BACH2: variants seen among roughly 807,000 people sequenced by gnomAD.
The protein encoded by BACH2 is BACH transcriptional regulator 2, also known as transcription regulator protein BACH2.
A neutral mutation model predicts 61.8 loss-of-function variants in BACH2; 5 were observed. That is an observed-to-expected ratio of 0.08 (90% CI 0.04 to 0.17). BACH2 has a LOEUF of 0.17. Among genes scored for constraint, BACH2 ranks in the 10% least tolerant of loss-of-function variants. The pLI is 1.00. For missense variants in BACH2, 824 were observed against 1,091.1 expected (o/e 0.76, Z 3.45); for synonymous variants, 446 against 440.1 (o/e 1.01, Z -0.17).
intron 6 of BACH2, chr6:90,001,465 T>A (rs1449619389): frequency 1.3e-5 from 2 of 152,218 alleles, no homozygotes; most frequent in Admixed American, 1.3e-4. Flanking sequence ...AACCTGGCGA[T>A]GTTGGGGTGA....
At chr6:89,989,623 A>C (rs748224509) in intron 6 of BACH2, among the ~76,000 whole-genome samples, 2 of 152,146 alleles carry the variant, frequency 1.3e-5, no homozygotes, top group South Asian at 2.1e-4. Flanking sequence ...AGGTGGGCTC[A>C]AGGCTCATCA....
Position 89,951,087 on chromosome 6 carries a change from CAGG to C in BACH2, c.1016_1018del (p.Ser339del). 1.2e-6 allele frequency: 2 copies of C among 1,612,470 alleles called. No homozygotes were observed. Among genetic ancestry groups the C allele is most frequent in the Non-Finnish European group, 1.7e-6 (2 of 1,179,248 alleles). ...CGTTATGCTGAACAGAGACCTTAAG[CAGG>C]AGGGCGAGGCCACGCTCCTGGATCT... On this transcript the variant is annotated inframe_deletion, in exon 7 of 9. Transcript: ENST00000257749. This position sits in a 1 kb window ranked among gnomAD's most constrained non-coding sequence, Gnocchi z 6.4.
At chr6:89,946,590 A>G (rs184109371) in intron 7 of BACH2, among the ~76,000 whole-genome samples, 1,727 of 152,306 alleles carry the variant, frequency 0.011, 23 homozygotes, top group Middle Eastern at 0.048. Flanking sequence ...ATGAACTACG[A>G]TTTACGAGAA....
At chr6:90,289,493 T>A (rs1272885337) in intron 1 of BACH2, among the ~76,000 whole-genome samples, 1 of 152,240 alleles carries the variant, frequency 6.6e-6, no homozygotes, top group African/African-American at 2.4e-5. Context: ...TTTAAATAGA[T>A]GCTGTCAAAA....
intron 4 of BACH2, among the ~76,000 whole-genome samples, chr6:90,154,306 A>T (rs1276408600): frequency 1.3e-5 from 2 of 152,208 alleles, no homozygotes; most frequent in African/African-American, 4.8e-5. Context: ...TCAGATCAGG[A>T]CAAAGGGTAA....
chr6:90,240,948 G>A (rs1770430415), intron 3 of BACH2, among the ~76,000 whole-genome samples: 4 of 151,764 alleles, frequency 2.6e-5, no homozygotes. Flanking sequence ...TCAATATGAG[G>A]CTAGAAATTA....
intron 5 of BACH2, among the ~76,000 whole-genome samples, chr6:90,038,850 G>A (rs1779390324): frequency 1.3e-5 from 2 of 151,700 alleles, no homozygotes; most frequent in South Asian, 2.1e-4. Context: ...CAGCCTGGCC[G>A]ACATGGTGAA....
chr6:90,096,045 T>C (rs1782369375), intron 4 of BACH2, among the ~76,000 whole-genome samples: 1 of 152,172 alleles, frequency 6.6e-6, no homozygotes, highest in Non-Finnish European at 1.5e-5. Context: ...TACATCCTTC[T>C]TCTGCGAAGG....
chr6:89,963,950 T>C (rs878954882), intron 6 of BACH2, among the ~76,000 whole-genome samples: 4 of 152,128 alleles, frequency 2.6e-5, no homozygotes, highest in African/African-American at 9.7e-5. Context: ...ATTAAACTAA[T>C]CATAAAAAGA....
rs1772398202 is a variant in BACH2 at position 89,927,185 on chromosome 6, G to T, written c.*5223C>A. 6.5e-6 allele frequency: 1 copy of T among 152,788 alleles called. No homozygotes were observed. Among genetic ancestry groups the T allele is most frequent in the Admixed American group, 6.5e-5 (1 of 15,288 alleles). The allele number at this position is 152,788 out of a possible 1,614,324, so 9.5% of individuals were successfully genotyped here. A position where few individuals can be genotyped will look rare whatever the true frequency, so the allele number is the denominator to read the frequency against. Reference sequence around the variant, plus strand: ...TGGTGCTTGCCTTGAATGGCTCACTGTGTCTAACAAGCACCTGAAGCTCCC... The same window carrying T: ...TGGTGCTTGCCTTGAATGGCTCACTTTGTCTAACAAGCACCTGAAGCTCCC... On this transcript the variant is annotated 3_prime_UTR_variant, in exon 9 of 9. Coordinates refer to ENST00000257749, the MANE Select transcript of BACH2 (RefSeq NM_021813.4).
At chr6:89,996,009 A>G (rs1026644834) in intron 6 of BACH2, among the ~76,000 whole-genome samples, 7 of 152,190 alleles carry the variant, frequency 4.6e-5, no homozygotes, top group African/African-American at 9.6e-5. Flanking sequence ...TTGGAGCTCA[A>G]TCTCAGCCCC....
chr6:90,296,205 C>G (rs1772374637), intron 1 of BACH2, among the ~76,000 whole-genome samples: 1 of 151,988 alleles, frequency 6.6e-6, no homozygotes, highest in Admixed American at 6.6e-5. Context: ...CAGCAAAATA[C>G]AATGCGCCTC....
intron 6 of BACH2, among the ~76,000 whole-genome samples, chr6:89,978,494 A>C (rs1388259678): frequency 1.3e-5 from 2 of 152,176 alleles, no homozygotes; most frequent in African/African-American, 4.8e-5. Context: ...TCATAATTAC[A>C]GTGGTGAAAC....
intron 4 of BACH2, among the ~76,000 whole-genome samples, chr6:90,189,491 C>T (rs1391195376): frequency 4.0e-5 from 6 of 151,898 alleles, no homozygotes. Context: ...GCCCGTAGTC[C>T]CAGCTACTCG....
chr6:89,955,510 G>C (rs141195040), intron 6 of BACH2, among the ~76,000 whole-genome samples: 361 of 152,244 alleles, frequency 2.4e-3, no homozygotes, highest in African/African-American at 8.0e-3. Context: ...CTAGGTCAAG[G>C]GTTGCTTTGA....
At chr6:89,970,347 G>A (rs977871861) in intron 6 of BACH2, among the ~76,000 whole-genome samples, 1 of 152,198 alleles carries the variant, frequency 6.6e-6, no homozygotes, top group Non-Finnish European at 1.5e-5. Context: ...TTGGCGGGCA[G>A]AGCATACAGT....
intron 1 of BACH2, among the ~76,000 whole-genome samples, chr6:90,276,153 G>A (rs182660335): frequency 1.3e-5 from 2 of 152,102 alleles, no homozygotes; most frequent in East Asian, 1.9e-4. Context: ...TGTGTAAAAC[G>A]TTTCATCTAT....
intron 2 of BACH2, among the ~76,000 whole-genome samples, chr6:90,256,253 A>G (rs1770974909): frequency 6.6e-6 from 1 of 152,196 alleles, no homozygotes; most frequent in Non-Finnish European, 1.5e-5. Flanking sequence ...CACGTTTTCC[A>G]GCCTCCTTTG....
At chr6:90,123,864 C>T (rs1301241717) in intron 4 of BACH2, among the ~76,000 whole-genome samples, 1 of 151,646 alleles carries the variant, frequency 6.6e-6, no homozygotes, top group East Asian at 1.9e-4. Context: ...ACCAAAATCG[C>T]CTCCTGATGC....
Sources: allele counts gnomAD v4.1 joint callset (sites outside exome capture counted in the v4.1 genomes callset), GRCh38; gene constraint gnomAD v4.1.1; non-coding constraint Gnocchi (gnomAD v3.1); transcripts MANE v1.5; gene names NCBI Gene and HGNC (gene_info 2026-07-23, HGNC 2026-07-21).